Variants in CARMIL1 observed in about 807,000 individuals in gnomAD.
The protein encoded by CARMIL1 is capping protein regulator and myosin 1 linker 1, also known as F-actin-uncapping protein LRRC16A.
Under a neutral mutation model 177.1 loss-of-function variants are expected in CARMIL1, and 90 were observed. That is an observed-to-expected ratio of 0.51 (90% CI 0.43 to 0.61). The LOEUF (loss-of-function observed/expected upper bound fraction) is 0.61. Ranked by LOEUF, CARMIL1 falls within the 20% of genes least tolerant of loss-of-function variation. CARMIL1 has a pLI of 0.00. For synonymous variants in CARMIL1, 577 were observed against 606.2 expected (o/e 0.95, Z 0.71); for missense variants, 1,380 against 1,667.0 (o/e 0.83, Z 3.00).
intron 16 of CARMIL1, among the ~76,000 whole-genome samples, chr6:25,498,836 T>C (rs545582619): frequency 1.8e-4 from 28 of 152,286 alleles, no homozygotes; most frequent in Admixed American, 7.8e-4. Context: ...AAAGGGGGCA[T>C]AGTAATTTTT....
chr6:25,384,051 C>T (rs1791888880), intron 2 of CARMIL1, among the ~76,000 whole-genome samples: 1 of 152,164 alleles, frequency 6.6e-6, no homozygotes, highest in Non-Finnish European at 1.5e-5. Context: ...GTTTGCCAGG[C>T]AGGTCTCGAA....
chr6:25,520,583 A>G (rs149588858), intron 23 of CARMIL1, among the ~76,000 whole-genome samples: 74 of 152,354 alleles, frequency 4.9e-4, no homozygotes, highest in Non-Finnish European at 9.3e-4. Flanking sequence ...TACAGCATCA[A>G]CATGCCAGAG....
intron 2 of CARMIL1, among the ~76,000 whole-genome samples, chr6:25,304,670 CTG>C (rs1783127539): frequency 6.6e-6 from 1 of 152,214 alleles, no homozygotes; most frequent in African/African-American, 2.4e-5. Context: ...AGGCCACAGA[CTG>C]GTACTGGTCC....
chr6:25,432,584 TATAC>T (rs1339838381), intron 4 of CARMIL1, among the ~76,000 whole-genome samples: 1 of 152,238 alleles, frequency 6.6e-6, no homozygotes, highest in African/African-American at 2.4e-5. Context: ...GGCCAGCAGT[TATAC>T]AGTTTTATAG....
At chr6:25,384,829 G>C (rs961538258) in intron 2 of CARMIL1, among the ~76,000 whole-genome samples, 5 of 152,080 alleles carry the variant, frequency 3.3e-5, no homozygotes, top group African/African-American at 1.2e-4. Context: ...TGTTCAAGCC[G>C]CTTAAATTTG....
intron 2 of CARMIL1, chr6:25,350,672 T>C (rs1788022665): frequency 6.6e-6 from 1 of 152,220 alleles, no homozygotes; most frequent in Non-Finnish European, 1.5e-5. Flanking sequence ...GTAATTCCTT[T>C]AAAGTTCTTG....
Position 25,412,192 on chromosome 6 carries a change from C to T in CARMIL1, c.139-7922C>T, listed in dbSNP as rs143228785. Among the ~76,000 whole-genome samples, 21 of 152,314 alleles carry T rather than the reference C, an allele frequency of 1.4e-4. No homozygotes were observed. In the East Asian group the frequency reaches 4.1e-3, roughly 29 times the overall value. ...GTAACAGACACCATGTAGCAATTCTCATGTGCCAGCACTCTTCTGAGCACT... is the reference window on the plus strand; with the variant it reads ...GTAACAGACACCATGTAGCAATTCTTATGTGCCAGCACTCTTCTGAGCACT... On this transcript the variant is annotated intron_variant, in intron 2 of 36. Coordinates refer to ENST00000329474, the MANE Select transcript of CARMIL1 (RefSeq NM_017640.6).
chr6:25,539,372 G>A (rs1808657130), intron 25 of CARMIL1, among the ~76,000 whole-genome samples: 1 of 151,928 alleles, frequency 6.6e-6, no homozygotes, highest in African/African-American at 2.4e-5. Flanking sequence ...GAGAACTGGA[G>A]ACTTGCCTGG....
At chr6:25,465,477 G>A (rs1305958261) in intron 8 of CARMIL1, 3 of 167,326 alleles carry the variant, frequency 1.8e-5, no homozygotes, top group Non-Finnish European at 3.9e-5. Context: ...CCATGATCAC[G>A]TCACTGCACT....
chr6:25,453,400 G>A (rs1366838774), intron 8 of CARMIL1, among the ~76,000 whole-genome samples: 5 of 152,104 alleles, frequency 3.3e-5, no homozygotes, highest in African/African-American at 1.2e-4. Context: ...AAAAGGAGCT[G>A]GTTCTGCTTA....
At chr6:25,361,368 C>G (rs1789173398) in intron 2 of CARMIL1, among the ~76,000 whole-genome samples, 1 of 152,072 alleles carries the variant, frequency 6.6e-6, no homozygotes, top group Non-Finnish European at 1.5e-5. Context: ...AGGGGAAAGT[C>G]TTTACCTTTC....
intron 17 of CARMIL1, among the ~76,000 whole-genome samples, chr6:25,506,920 G>A (rs1804969471): frequency 6.6e-6 from 1 of 152,096 alleles, no homozygotes; most frequent in African/African-American, 2.4e-5. Flanking sequence ...ATGGATATTT[G>A]AGTGTTTGAT....
At chr6:25,288,499 G>C (rs2690135) in intron 2 of CARMIL1, among the ~76,000 whole-genome samples, 106,882 of 147,536 alleles carry the variant, frequency 0.72, 39,043 homozygotes, top group African/African-American at 0.85. Context: ...TTTTTTTTCC[G>C]TATGGAAAAA....
chr6:25,381,592 G>A (rs1022548493), intron 2 of CARMIL1, among the ~76,000 whole-genome samples: 8 of 152,096 alleles, frequency 5.3e-5, no homozygotes, highest in Non-Finnish European at 7.4e-5. Context: ...CAGAACTCAC[G>A]AAGTCACTTT....
intron 27 of CARMIL1, among the ~76,000 whole-genome samples, chr6:25,551,467 G>A (rs1715843974): frequency 2.0e-5 from 3 of 152,148 alleles, no homozygotes; most frequent in Admixed American, 1.3e-4. Flanking sequence ...CAAATGCACA[G>A]CCTCTAAATA....
At chr6:25,538,307 C>T (rs1351280482) in intron 25 of CARMIL1, among the ~76,000 whole-genome samples, 1 of 152,164 alleles carries the variant, frequency 6.6e-6, no homozygotes, top group Admixed American at 6.5e-5. Flanking sequence ...TGAAACTCCC[C>T]TCTGTTACCC....
chr6:25,578,524 G>A (rs553598472), intron 29 of CARMIL1, among the ~76,000 whole-genome samples: 99 of 152,186 alleles, frequency 6.5e-4, no homozygotes, highest in African/African-American at 2.4e-3. Context: ...ATAAGATTAA[G>A]GAAGTCCACA....
intron 29 of CARMIL1, among the ~76,000 whole-genome samples, chr6:25,573,721 C>G (rs1044968128): frequency 6.6e-6 from 1 of 151,702 alleles, no homozygotes; most frequent in Non-Finnish European, 1.5e-5. Flanking sequence ...TTCTGACCAT[C>G]TAGTCCATCT....
chr6:25,565,056 G>C (rs1454624313), intron 29 of CARMIL1, among the ~76,000 whole-genome samples: 1 of 152,186 alleles, frequency 6.6e-6, no homozygotes, highest in Admixed American at 6.5e-5. Context: ...AGAGAAGTTT[G>C]CTGGAAGGAA....
Sources: allele counts gnomAD v4.1 joint callset (sites outside exome capture counted in the v4.1 genomes callset), GRCh38; gene constraint gnomAD v4.1.1; transcripts MANE v1.5; gene names NCBI Gene and HGNC (gene_info 2026-07-23, HGNC 2026-07-21).